NIPBL: variants seen among roughly 807,000 people sequenced by gnomAD.
The protein encoded by NIPBL is nipped-B-like protein.
Under a neutral mutation model 321.8 loss-of-function variants are expected in NIPBL, and 19 were observed. The observed-to-expected ratio is 0.06, with a 90% CI of 0.04 to 0.09. NIPBL has a LOEUF of 0.09. NIPBL is among the 10% of genes least tolerant of loss of function. NIPBL has a pLI of 1.00. For missense variants in NIPBL, 2,210 were observed against 3,327.0 expected (o/e 0.66, Z 8.26); for synonymous variants, 1,106 against 1,114.1 (o/e 0.99, Z 0.14).
chr5:37,005,486 C>T (rs1262986061), intron 16 of NIPBL, among the ~76,000 whole-genome samples: 3 of 152,098 alleles, frequency 2.0e-5, no homozygotes, highest in African/African-American at 7.2e-5. Flanking sequence ...ATAGCCTTAA[C>T]GTTTGGCATG....
At chr5:37,012,238 C>T (rs1441856522) in intron 21 of NIPBL, among the ~76,000 whole-genome samples, 7 of 151,628 alleles carry the variant, frequency 4.6e-5, no homozygotes, top group South Asian at 2.1e-4. Context: ...CAGCCTCAAC[C>T]GCCTAGGCTC....
chr5:36,966,005 A>G (rs887551434), intron 6 of NIPBL, among the ~76,000 whole-genome samples: 3 of 152,080 alleles, frequency 2.0e-5, no homozygotes, highest in African/African-American at 7.2e-5. Flanking sequence ...ACCAACAGGT[A>G]TCCTGCCACT....
intron 10 of NIPBL, among the ~76,000 whole-genome samples, chr5:36,994,724 G>A (rs913533244): frequency 4.6e-5 from 7 of 152,072 alleles, no homozygotes; most frequent in African/African-American, 1.7e-4. Context: ...CGAATAAGTA[G>A]CTTTTGCTAC....
At chr5:37,004,173 T>A (rs2149674171) in intron 16 of NIPBL, among the ~76,000 whole-genome samples, 1 of 152,320 alleles carries the variant, frequency 6.6e-6, no homozygotes, top group East Asian at 1.9e-4. Flanking sequence ...ACTCCAGCTG[T>A]TACTATATTT....
At chr5:36,925,657 TA>T (rs1479099986) in intron 1 of NIPBL, among the ~76,000 whole-genome samples, 2 of 152,184 alleles carry the variant, frequency 1.3e-5, no homozygotes, top group Non-Finnish European at 2.9e-5. Flanking sequence ...GTAAATAACT[TA>T]AAGTCTTTCA....
At position 37,008,062 on chromosome 5, in the gene NIPBL, T is replaced by C. The variant is rs1463766934; in HGVS notation, c.4294T>C (p.Leu1432=). 2 of 1,609,570 alleles carry C rather than the reference T, an allele frequency of 1.2e-6. No homozygotes were observed. The highest frequency in any genetic ancestry group is 2.7e-5 in the African/African-American group (2 of 74,818). The change falls in exon 19 of 47, where the codon TTG becomes CTG. Residue 1432 remains leucine, a synonymous_variant. Coordinates refer to ENST00000282516, the MANE Select transcript of NIPBL (RefSeq NM_133433.4). ...TGTGGAAAATGTCAGTGAACTACAG[T>C]TGTGTGCCATTAAGTTAGTCACTGC... is the stretch of plus-strand genomic sequence containing the variant. ...FFVENVSELQ[L]CAIKLVTAVF... is the part of the protein sequence containing the mutation.
Position 36,962,257 on chromosome 5 carries a change from A to T in NIPBL, c.593A>T (p.His198Leu). 1 of 1,614,106 alleles carries T rather than the reference A, an allele frequency of 6.2e-7. No individual in the cohort carries two copies. Among genetic ancestry groups the T allele is most frequent in the South Asian group, 1.1e-5 (1 of 91,082 alleles). Residue 198 changes from histidine to leucine, a missense_variant, in exon 6 of 47, where the codon CAT becomes CTT. By Grantham distance (99) the His-to-Leu change is moderately conservative. This residue lies in a region of NIPBL where 464 missense variants were observed against 529.5 expected (regional missense o/e 0.88). Transcript: ENST00000282516. The part of the protein sequence containing the change: ...PYSHPSSYTT[H>L]PQMQQASVSS... ...TCCCATCCTTCAAGTTACACAACAC[A>T]TCCACAGATGCAACAAGGTAAGAAA... is the stretch of plus-strand genomic sequence containing the variant.
rs140543585 is a variant in NIPBL at position 36,973,730 on chromosome 5, A to G, written c.868+1689A>G. Among the ~76,000 whole-genome samples, 1,240 of 152,058 alleles carry G rather than the reference A, an allele frequency of 8.2e-3. 10 individuals carry two copies. The highest frequency in any genetic ancestry group is 0.028 in the African/African-American group (1,178 of 41,446). On this transcript the variant is annotated intron_variant, in intron 8 of 46. Transcript: ENST00000282516. ...GTGATCTGCCCGCCTCGGCCTCCCA[A>G]AGTGCTGGGATTACAGGCGTGAGCC...
At chr5:36,927,675 C>T (rs964349763) in intron 1 of NIPBL, among the ~76,000 whole-genome samples, 6 of 151,984 alleles carry the variant, frequency 3.9e-5, no homozygotes, top group African/African-American at 1.2e-4. Context: ...AGAAGAAGCA[C>T]GAAGAACAGT....
intron 32 of NIPBL, among the ~76,000 whole-genome samples, chr5:37,032,839 A>C (rs758465613): frequency 6.6e-6 from 1 of 151,922 alleles, no homozygotes; most frequent in African/African-American, 2.4e-5. Flanking sequence ...TTCATGATAA[A>C]ACTTTTTTCA....
intron 43 of NIPBL, among the ~76,000 whole-genome samples, chr5:37,058,601 T>C (rs887056650): frequency 6.6e-6 from 1 of 152,238 alleles, no homozygotes; most frequent in Non-Finnish European, 1.5e-5. Context: ...TTGATACTTT[T>C]ATAACTATCT....
chr5:36,950,341 C>T (rs1057437024), intron 1 of NIPBL, among the ~76,000 whole-genome samples: 3 of 152,038 alleles, frequency 2.0e-5, no homozygotes, highest in African/African-American at 7.2e-5. Context: ...TTCTGGATCA[C>T]TTACTATGTG....
chr5:36,966,186 A>C (rs1443235408), intron 6 of NIPBL, among the ~76,000 whole-genome samples: 1 of 152,100 alleles, frequency 6.6e-6, no homozygotes, highest in Non-Finnish European at 1.5e-5. Context: ...CACACATTGC[A>C]TTTGATTTTT....
rs780783113 is a variant in NIPBL, at chr5:36,958,148, T to C, written c.275T>C (p.Ile92Thr). Residue 92 changes from isoleucine to threonine, a missense_variant, in exon 4 of 47, where the codon ATA becomes ACA. Physicochemically the swap from Ile to Thr is moderately conservative, Grantham distance 89. Transcript: ENST00000282516. The part of the protein sequence containing the change: ...NLGSDDPEGD[I>T]PVLLQAVLAR... ...GGCAGTGATGACCCAGAAGGTGACA[T>C]ACCAGTCTTGTTGCAGGCCGTCCTG... 2 of 1,614,064 alleles carry C rather than the reference T, an allele frequency of 1.2e-6. No individual in the cohort carries two copies. The highest frequency in any genetic ancestry group is 1.7e-6 in the Non-Finnish European group (2 of 1,179,950).
At chr5:37,034,236 A>G (rs953828690) in intron 32 of NIPBL, among the ~76,000 whole-genome samples, 1 of 152,228 alleles carries the variant, frequency 6.6e-6, no homozygotes, top group Non-Finnish European at 1.5e-5. Context: ...CAAGTAATGG[A>G]AAAGAGGGAT....
intron 10 of NIPBL, among the ~76,000 whole-genome samples, chr5:36,994,032 A>G (rs1745851114): frequency 6.6e-6 from 1 of 152,218 alleles, no homozygotes; most frequent in African/African-American, 2.4e-5. Context: ...AAGACTTTAT[A>G]GTGAGGTGCA....
intron 27 of NIPBL, 26 bp downstream of exon 27, chr5:37,020,903 C>A: frequency 1.4e-6 from 2 of 1,459,092 alleles, no homozygotes; most frequent in Non-Finnish European, 1.9e-6. Context: ...ATTCCTTATA[C>A]AGTGATATTG....
At chr5:37,045,256 A>G (rs1277031767) in intron 36 of NIPBL, among the ~76,000 whole-genome samples, 187 bp from the exon 37 acceptor site, 2 of 152,160 alleles carry the variant, frequency 1.3e-5, no homozygotes. Context: ...TGGGAAGCTG[A>G]GGCAGGAGAA....
At chr5:37,030,102 TA>T (rs1381452460) in intron 32 of NIPBL, among the ~76,000 whole-genome samples, 2 of 152,312 alleles carry the variant, frequency 1.3e-5, no homozygotes, top group Non-Finnish European at 2.9e-5. Context: ...GAATCTACAA[TA>T]ATGTCATCTT....
Sources: allele counts gnomAD v4.1 joint callset (sites outside exome capture counted in the v4.1 genomes callset), GRCh38; gene constraint gnomAD v4.1.1; regional missense constraint gnomAD v4.1.1; transcripts MANE v1.5; gene names NCBI Gene and HGNC (gene_info 2026-07-23, HGNC 2026-07-21).